The following ADAMTS17 variants were observed in gnomAD, a reference collection of about 807,000 sequenced individuals.
ADAMTS17 encodes ADAM metallopeptidase with thrombospondin type 1 motif 17.
ADAMTS17 carries 113 observed loss-of-function variants against 141.5 expected under a neutral mutation model. The observed-to-expected ratio is 0.80, with a 90% CI of 0.69 to 0.93. The LOEUF is 0.93. ADAMTS17 is among the 40% of genes least tolerant of loss of function. ADAMTS17 has a pLI of 0.00. For missense variants in ADAMTS17, 1,659 were observed against 1,517.9 expected, an observed-to-expected ratio of 1.09 and a Z score of -1.54; for synonymous variants, 768 against 630.6, an observed-to-expected ratio of 1.22 and a Z score of -3.27.
At chr15:100,224,807 C>T (rs1452092627) in intron 7 of ADAMTS17, among the ~76,000 whole-genome samples, 3 of 152,238 alleles carry the variant, frequency 2.0e-5, no homozygotes, top group Non-Finnish European at 4.4e-5. Context: ...CGGGGCCAAC[C>T]CCAAGGCTCT....
intron 8 of ADAMTS17, among the ~76,000 whole-genome samples, chr15:100,185,418 GC>G (rs566784225): frequency 6.6e-6 from 1 of 152,106 alleles, no homozygotes; most frequent in African/African-American, 2.4e-5. Context: ...GGTCTCTTTT[GC>G]CCCCCATGTT....
At chr15:100,011,824 G>T (rs1053893113) in intron 18 of ADAMTS17, among the ~76,000 whole-genome samples, 4 of 152,182 alleles carry the variant, frequency 2.6e-5, no homozygotes, top group African/African-American at 9.7e-5. Context: ...TAGGTTCCAA[G>T]ATTTTGCAAT....
intron 10 of ADAMTS17, among the ~76,000 whole-genome samples, chr15:100,137,906 C>T (rs2038420761): frequency 6.6e-6 from 1 of 152,136 alleles, no homozygotes; most frequent in African/African-American, 2.4e-5. Flanking sequence ...CACCCTTTCA[C>T]TGCCAACACC....
chr15:100,068,020 A>G (rs569813113), intron 15 of ADAMTS17, among the ~76,000 whole-genome samples: 24 of 152,320 alleles, frequency 1.6e-4, no homozygotes, highest in African/African-American at 5.5e-4. Context: ...AAGGGGTGAC[A>G]GATGGCACCT....
chr15:100,154,481 G>A (rs996907807), intron 9 of ADAMTS17, among the ~76,000 whole-genome samples: 2 of 152,108 alleles, frequency 1.3e-5, no homozygotes, highest in African/African-American at 4.8e-5. Context: ...GGTGAGACTC[G>A]CCGACTCACT....
At chr15:100,317,304 G>A (rs1368125330) in intron 3 of ADAMTS17, among the ~76,000 whole-genome samples, 2 of 152,148 alleles carry the variant, frequency 1.3e-5, no homozygotes, top group South Asian at 2.1e-4. Flanking sequence ...TAATGATGAC[G>A]ACTGAACACT....
chr15:100,251,175 G>A (rs549241696), intron 7 of ADAMTS17, among the ~76,000 whole-genome samples: 1 of 152,312 alleles, frequency 6.6e-6, no homozygotes, highest in South Asian at 2.1e-4. Flanking sequence ...GAGATAGGCT[G>A]GTTCTGCCCT....
intron 3 of ADAMTS17, among the ~76,000 whole-genome samples, chr15:100,288,606 C>T (rs1250319733): frequency 6.6e-6 from 1 of 152,188 alleles, no homozygotes; most frequent in African/African-American, 2.4e-5. Context: ...AAATCTACCA[C>T]ACAATCAGCC....
intron 3 of ADAMTS17, among the ~76,000 whole-genome samples, chr15:100,325,928 C>G (rs1490138486): frequency 6.6e-6 from 1 of 152,172 alleles, no homozygotes; most frequent in Non-Finnish European, 1.5e-5. Context: ...AAGGAACCAA[C>G]CCTGTCAACG....
At chr15:100,251,410 T>C (rs2043149859) in intron 7 of ADAMTS17, among the ~76,000 whole-genome samples, 1 of 152,086 alleles carries the variant, frequency 6.6e-6, no homozygotes, top group Non-Finnish European at 1.5e-5. Flanking sequence ...TGACTATAGG[T>C]AGAGAGAGGA....
Position 99,997,255 on chromosome 15 carries a change from T to C in ADAMTS17, c.2796+130A>G, listed in dbSNP as rs1596186808. On this transcript the variant is annotated intron_variant, in intron 19 of 21. Coordinates refer to ENST00000268070, the MANE Select transcript of ADAMTS17 (RefSeq NM_139057.4). The surrounding 1 kb of genome is among the most constrained non-coding windows in gnomAD (Gnocchi z 4.7). ...ATCTGAGATGGAAATTAAGAACACA[T>C]GAGCTATAACACAACTTCAAGCTGA... 1.0e-5 allele frequency: 10 copies of C among 989,560 alleles called. No individual in the cohort carries two copies. In the East Asian group the frequency reaches 1.2e-4, roughly 12 times the overall value. 61.3% of individuals were successfully genotyped at this position (989,560 alleles called of 1,614,324 possible).
At chr15:100,069,623 A>T (rs1260415163) in intron 15 of ADAMTS17, among the ~76,000 whole-genome samples, 8 of 152,200 alleles carry the variant, frequency 5.3e-5, no homozygotes, top group Admixed American at 2.0e-4. Context: ...TCAACCCAGA[A>T]TTTCATATCC....
Position 100,341,124 on chromosome 15 carries a change from G to A in ADAMTS17, c.365C>T (p.Ala122Val), listed in dbSNP as rs1279831863. 2 of 1,444,726 alleles carry A rather than the reference G, an allele frequency of 1.4e-6. No individual in the cohort carries two copies. Among genetic ancestry groups the A allele is most frequent in the Admixed American group, 2.7e-5 (1 of 37,722 alleles). The allele number at this position is 1,444,726 out of a possible 1,614,324, so 89.5% of individuals were successfully genotyped here. ...ACGGCCCGAGTAGAAGCACAGCTCG[G>A]CGGGGCGGCCGCGGCGCCGGGCCGC... ...AGAARRRGRP[A>V]ELCFYSGRVL... Residue 122 changes from alanine to valine, a missense_variant, in exon 2 of 22, where the codon GCC becomes GTC. By Grantham distance (64) the Ala-to-Val change is moderately conservative. Coordinates refer to ENST00000268070, the MANE Select transcript of ADAMTS17 (RefSeq NM_139057.4).
At chr15:100,339,223 G>A in intron 2 of ADAMTS17, 30 of 943,508 alleles carry the variant, frequency 3.2e-5, no homozygotes, top group Non-Finnish European at 3.7e-5. Context: ...AGCTGGCTGA[G>A]ATGCCATCTA....
intron 3 of ADAMTS17, among the ~76,000 whole-genome samples, chr15:100,323,349 C>G (rs74907742): frequency 0.045 from 6,794 of 152,170 alleles, 478 homozygotes; most frequent in African/African-American, 0.15. Context: ...GACAGGAAAT[C>G]AAATCCAGTA....
chr15:100,047,949 C>T (rs946127999), intron 18 of ADAMTS17, among the ~76,000 whole-genome samples: 1 of 152,198 alleles, frequency 6.6e-6, no homozygotes, highest in Non-Finnish European at 1.5e-5. Context: ...CACAGAAAAT[C>T]ATCACAGCAA....
At chr15:100,273,536 C>T (rs10153034) in intron 4 of ADAMTS17, among the ~76,000 whole-genome samples, 7 of 152,172 alleles carry the variant, frequency 4.6e-5, no homozygotes, top group Non-Finnish European at 1.0e-4. Flanking sequence ...TAGAATGGGT[C>T]GTAATGTCCC....
chr15:100,214,862 C>T (rs9635427), intron 7 of ADAMTS17, among the ~76,000 whole-genome samples: 149,540 of 152,314 alleles, frequency 0.98, 73,482 homozygotes, highest in East Asian at 1. Flanking sequence ...ATGAGCACAA[C>T]GACACCATGA....
intron 8 of ADAMTS17, among the ~76,000 whole-genome samples, chr15:100,176,793 T>C (rs2040354560): frequency 2.0e-5 from 3 of 152,246 alleles, no homozygotes; most frequent in African/African-American, 4.8e-5. Flanking sequence ...CTTCAAACCC[T>C]GGCCACCACT....
Sources: allele counts gnomAD v4.1 joint callset (sites outside exome capture counted in the v4.1 genomes callset), GRCh38; gene constraint gnomAD v4.1.1; non-coding constraint Gnocchi (gnomAD v3.1); transcripts MANE v1.5; gene names NCBI Gene and HGNC (gene_info 2026-07-23, HGNC 2026-07-21).